Variants in DOCK1 observed in about 807,000 individuals in gnomAD.
The protein encoded by DOCK1 is dedicator of cytokinesis 1, also known as dedicator of cytokinesis protein 1.
In DOCK1, 138 loss-of-function variants were observed where a neutral mutation model predicts 262.7. The observed-to-expected ratio is 0.53, with a 90% CI of 0.46 to 0.61. DOCK1 has a LOEUF of 0.61. DOCK1 is among the 20% of genes least tolerant of loss of function. The pLI, the probability that DOCK1 is intolerant of heterozygous loss-of-function variation, is 0.00. For synonymous variants in DOCK1, 866 were observed against 867.4 expected (o/e 1.00, Z 0.03); for missense variants, 1,908 against 2,370.7 (o/e 0.80, Z 4.05).
At chr10:127,286,448 T>C (rs1164356389) in intron 29 of DOCK1, among the ~76,000 whole-genome samples, 1 of 152,190 alleles carries the variant, frequency 6.6e-6, no homozygotes, top group Non-Finnish European at 1.5e-5. Flanking sequence ...TTTTAAACTT[T>C]TTATTATCAA....
intron 27 of DOCK1, among the ~76,000 whole-genome samples, chr10:127,132,198 G>A (rs2050365734): frequency 6.6e-6 from 1 of 152,166 alleles, no homozygotes; most frequent in Non-Finnish European, 1.5e-5. Flanking sequence ...ACAAAAACTC[G>A]ACTTTGCAGT....
intron 29 of DOCK1, among the ~76,000 whole-genome samples, chr10:127,318,928 T>A (rs745979509): frequency 6.6e-6 from 1 of 152,060 alleles, no homozygotes; most frequent in Non-Finnish European, 1.5e-5. Flanking sequence ...GGGAAAGGCT[T>A]TGGAGTGTGG....
chr10:127,445,490 C>T (rs1484216354), intron 50 of DOCK1, among the ~76,000 whole-genome samples: 4 of 152,198 alleles, frequency 2.6e-5, no homozygotes, highest in African/African-American at 9.7e-5. Flanking sequence ...GAGGGTGCAT[C>T]TTCACATCCT....
intron 47 of DOCK1, among the ~76,000 whole-genome samples, chr10:127,427,306 G>C (rs138710935): frequency 6.6e-6 from 1 of 152,190 alleles, no homozygotes; most frequent in Non-Finnish European, 1.5e-5. Flanking sequence ...ACCAGGTGTC[G>C]AGTGGGGTGT....
At chr10:127,230,782 T>G (rs945135573) in intron 27 of DOCK1, among the ~76,000 whole-genome samples, 66 of 152,146 alleles carry the variant, frequency 4.3e-4, no homozygotes, top group African/African-American at 1.5e-3. Context: ...TGTTTTTTTG[T>G]TTTTTTGTTT....
chr10:127,339,938 A>G lies in DOCK1; in HGVS notation c.3123+854A>G, dbSNP rs1837908736. Among the ~76,000 whole-genome samples the G allele has an allele frequency of 2.6e-5, 4 of 152,296 alleles. No homozygotes were observed. In the South Asian group the frequency reaches 8.3e-4, roughly 32 times the overall value. On this transcript the variant is annotated intron_variant, in intron 30 of 51. Transcript: ENST00000623213. The stretch of plus-strand genomic sequence containing the variant: ...ATGGCATGTTTATTTCCTGGGCAAG[A>G]TGATTCACTCTCTCAAAAGGAACCC...
Position 126,963,625 on chromosome 10 carries a change from CT to C in DOCK1, c.47-7075del, listed in dbSNP as rs1450121133. The stretch of plus-strand genomic sequence containing the variant: ...CTTCCCTTCCCTTCCCTTCCCTTCC[CT>C]TCCCTTCCCTTCCCTCCTTCCTTCC... On this transcript the variant is annotated intron_variant, in intron 1 of 51. Transcript: ENST00000623213. 1.7e-3 allele frequency among the ~76,000 whole-genome samples: 115 copies of C among 68,870 alleles called. 1 individual carries two copies. Among genetic ancestry groups the C allele is most frequent in the African/African-American group, 6.5e-3 (76 of 11,754 alleles). The allele number at this position is 68,870 out of a possible 152,430, so 45.2% of individuals were successfully genotyped here. A position where few individuals can be genotyped will look rare whatever the true frequency, so the allele number is the denominator to read the frequency against.
intron 27 of DOCK1, chr10:127,136,055 T>G (rs1191631662): frequency 6.6e-6 from 1 of 152,638 alleles, no homozygotes; most frequent in Non-Finnish European, 1.5e-5. Flanking sequence ...TTCCTTTTAT[T>G]GATATTCAGG....
intron 33 of DOCK1, among the ~76,000 whole-genome samples, chr10:127,372,033 G>A (rs1037537603): frequency 6.6e-6 from 1 of 152,202 alleles, no homozygotes; most frequent in Non-Finnish European, 1.5e-5. Flanking sequence ...AGGCCAGACA[G>A]AATCAAAAAG....
At chr10:127,018,318 G>T (rs2042165403) in intron 12 of DOCK1, among the ~76,000 whole-genome samples, 1 of 152,328 alleles carries the variant, frequency 6.6e-6, no homozygotes, top group African/African-American at 2.4e-5. Flanking sequence ...CCCTGCCTTT[G>T]TCTTTCCTGG....
At chr10:127,353,311 C>T (rs1463806469) in intron 31 of DOCK1, among the ~76,000 whole-genome samples, 1 of 152,170 alleles carries the variant, frequency 6.6e-6, no homozygotes, top group African/African-American at 2.4e-5. Flanking sequence ...GCTGGGATCC[C>T]TTTGTCATTA....
rs2066521520 is a variant in DOCK1, at chr10:127,392,233, T to C, written c.3927+7324T>C. Among the ~76,000 whole-genome samples, 3 of 132,466 alleles carry C rather than the reference T, an allele frequency of 2.3e-5. No homozygotes were observed. In the South Asian group the frequency reaches 7.4e-4, roughly 33 times the overall value. 86.9% of individuals were successfully genotyped at this position (132,466 alleles called of 152,430 possible). A position where few individuals can be genotyped will look rare whatever the true frequency, so the allele number is the denominator to read the frequency against. On this transcript the variant is annotated intron_variant, in intron 38 of 51. Transcript: ENST00000623213. Reference sequence around the variant, plus strand: ...CCGGCGAATCTTGTTAAAATCCAGATTTTGATTCAGCTGGTCTGGGGTGGG... The same window carrying C: ...CCGGCGAATCTTGTTAAAATCCAGACTTTGATTCAGCTGGTCTGGGGTGGG...
intron 1 of DOCK1, among the ~76,000 whole-genome samples, chr10:126,961,578 A>G (rs1190310928): frequency 1.3e-5 from 2 of 152,190 alleles, no homozygotes; most frequent in African/African-American, 4.8e-5. Context: ...ACCTCATGTA[A>G]GTGGAATCGT....
chr10:127,060,189 C>T (rs2045437751), intron 22 of DOCK1, among the ~76,000 whole-genome samples: 1 of 152,060 alleles, frequency 6.6e-6, no homozygotes. Context: ...GGTTTTTAGT[C>T]TTCTATCCCA....
intron 23 of DOCK1, among the ~76,000 whole-genome samples, chr10:127,065,630 C>G (rs2045817415): frequency 6.6e-6 from 1 of 152,138 alleles, no homozygotes. Context: ...CCCCACCATG[C>G]TACCGAAACC....
At chr10:126,931,121 A>T (rs1367544520) in intron 1 of DOCK1, among the ~76,000 whole-genome samples, 1 of 151,806 alleles carries the variant, frequency 6.6e-6, no homozygotes, top group Non-Finnish European at 1.5e-5. Context: ...CCCAGGAGGG[A>T]TGGAGTATCT....
chr10:127,300,214 C>T (rs536493983), intron 29 of DOCK1, among the ~76,000 whole-genome samples: 36 of 152,154 alleles, frequency 2.4e-4, no homozygotes, highest in Non-Finnish European at 4.1e-4. Flanking sequence ...TGGGAATTGC[C>T]GCCTAGAGAC....
At position 127,348,251 on chromosome 10, in the gene DOCK1, A is replaced by G. The variant is rs2063734193; in HGVS notation, c.3224+4505A>G. 4.6e-5 allele frequency among the ~76,000 whole-genome samples: 7 copies of G among 152,030 alleles called. No individual in the cohort carries two copies. The South Asian group carries it at 1.5e-3, about 32-fold the overall frequency. ...TAGTGACTCCCAAGGAAGGACAGAG[A>G]TGTCAACAGAATTCTAAGCCTGACC... is the stretch of plus-strand genomic sequence containing the variant. On this transcript the variant is annotated intron_variant, in intron 31 of 51. Coordinates refer to ENST00000623213, the MANE Select transcript of DOCK1 (RefSeq NM_001290223.2).
At chr10:127,210,070 C>T (rs939719826) in intron 27 of DOCK1, among the ~76,000 whole-genome samples, 42 of 152,236 alleles carry the variant, frequency 2.8e-4, no homozygotes, top group African/African-American at 7.7e-4. Flanking sequence ...CATTATGATG[C>T]GATGCCAGAC....
Sources: gnomAD v4.1 joint callset for allele counts (sites outside exome capture counted in the v4.1 genomes callset) on GRCh38, gnomAD v4.1.1 for gene constraint, MANE v1.5 for transcripts, NCBI Gene and HGNC (gene_info 2026-07-23, HGNC 2026-07-21) for gene names.